The following GALNT12 variants were observed in gnomAD, a reference collection of about 807,000 sequenced individuals.
GALNT12 encodes UDP-GalNAc:polypeptide N-acetylgalactosaminyltransferase 12.
Under a neutral mutation model 55.5 loss-of-function variants are expected in GALNT12, and 45 were observed. The observed-to-expected ratio is 0.81, with a 90% CI of 0.64 to 1.04. The LOEUF (loss-of-function observed/expected upper bound fraction) is 1.04. GALNT12 is among the 50% of genes least tolerant of loss of function. The probability of loss-of-function intolerance (pLI) is 0.00; values close to 1 mark genes in which losing one functional copy is unlikely to be tolerated. For missense variants in GALNT12, 709 were observed against 754.8 expected (o/e 0.94, Z 0.71); for synonymous variants, 304 against 312.2 (o/e 0.97, Z 0.28).
Position 98,846,062 on chromosome 9 carries a change from C to T in GALNT12, c.1544C>T (p.Thr515Ile), listed in dbSNP as rs1836406734. 5 of 1,614,108 alleles carry T rather than the reference C, an allele frequency of 3.1e-6. No individual in the cohort carries two copies. The African/African-American group carries it at 5.3e-5, about 17-fold the overall frequency. ...ATTGCTGTGGAAGCAGGAATGGATA[C>T]CCTTATCATGCATCTCTGCGAAGAA... The part of the protein sequence containing the change: ...GCIAVEAGMD[T>I]LIMHLCEETA... Residue 515 changes from threonine to isoleucine, a missense_variant, in exon 9 of 10, where the codon ACC becomes ATC. Thr to Ile is a moderately conservative substitution (Grantham distance 89). Around this residue, in one of 5 missense-constraint regions of GALNT12, gnomAD observed 262 missense variants for 310.7 expected, o/e 0.84. Transcript: ENST00000375011.
In GALNT12 at chr9:98,848,795, C is replaced by T. The variant is rs537057388; in HGVS notation, c.1606-157C>T. On this transcript the variant is annotated intron_variant, in intron 9 of 9. Coordinates refer to ENST00000375011, the MANE Select transcript of GALNT12 (RefSeq NM_024642.5). The stretch of plus-strand genomic sequence containing the variant: ...CTGTACAAGCCTGGTGCTGTGTCCC[C>T]GGGACAGTCCTGAGTTGCTGCGTTA... 54 of 844,972 alleles carry T rather than the reference C, an allele frequency of 6.4e-5. 1 individual carries two copies. The highest frequency in any genetic ancestry group is 2.3e-4 in the South Asian group (15 of 64,816). 52.3% of individuals were successfully genotyped at this position (844,972 alleles called of 1,614,324 possible).
At chr9:98,844,379 A>G (rs1019577187) in intron 8 of GALNT12, 170 bp downstream of exon 8, 11 of 625,818 alleles carry the variant, frequency 1.8e-5, no homozygotes, top group Middle Eastern at 4.3e-4. Flanking sequence ...TCTTCCCATC[A>G]TTTTTTACAC....
chr9:98,848,816 C>G, intron 9 of GALNT12, 136 bp from the exon 10 acceptor site: 2 of 1,005,914 alleles, frequency 2.0e-6, no homozygotes, highest in Non-Finnish European at 3.0e-6. Flanking sequence ...TGAGTTGCTG[C>G]GTTACACGGA....
At chr9:98,810,002 A>G (rs1176139914) in intron 1 of GALNT12, among the ~76,000 whole-genome samples, 1 of 152,210 alleles carries the variant, frequency 6.6e-6, no homozygotes, top group African/African-American at 2.4e-5. Flanking sequence ...CTGTTGGGTT[A>G]TTCTTACCCA....
Position 98,817,408 on chromosome 9 carries a change from C to T in GALNT12, c.372-5848C>T, listed in dbSNP as rs560360868. Among the ~76,000 whole-genome samples, 29 of 152,152 alleles carry T rather than the reference C, an allele frequency of 1.9e-4. No individual in the cohort carries two copies. The South Asian group carries it at 6.0e-3, about 32-fold the overall frequency. On this transcript the variant is annotated intron_variant, in intron 1 of 9. Coordinates refer to ENST00000375011, the MANE Select transcript of GALNT12 (RefSeq NM_024642.5). ...TTATAATACACACACATATGTTTTC[C>T]ATTTGCTATAACATGTATTTGTTGG... is the stretch of plus-strand genomic sequence containing the variant.
chr9:98,822,608 G>C (rs1835770470), intron 1 of GALNT12, among the ~76,000 whole-genome samples: 1 of 152,108 alleles, frequency 6.6e-6, no homozygotes, highest in African/African-American at 2.4e-5. Flanking sequence ...AGTGTCTGTA[G>C]GTCCTAGCCA....
intron 4 of GALNT12, among the ~76,000 whole-genome samples, chr9:98,833,750 T>A (rs1198381636): frequency 2.0e-5 from 3 of 152,032 alleles, no homozygotes; most frequent in African/African-American, 7.2e-5. Context: ...CTGAATAGGT[T>A]TGGAAACTGA....
chr9:98,840,212 A>C, intron 7 of GALNT12, 79 bp downstream of exon 7: 1 of 1,580,792 alleles, frequency 6.3e-7, no homozygotes, highest in South Asian at 1.1e-5. Flanking sequence ...TGGGCAAGAA[A>C]GGCCACGTCA....
chr9:98,818,297 A>C (rs1262416960), intron 1 of GALNT12, among the ~76,000 whole-genome samples: 2 of 151,648 alleles, frequency 1.3e-5, no homozygotes, highest in Non-Finnish European at 2.9e-5. Context: ...ATCTTGGCTG[A>C]CTGCAACCTC....
chr9:98,808,217 A>C, intron 1 of GALNT12, 148 bp downstream of exon 1: 3 of 616,750 alleles, frequency 4.9e-6, no homozygotes, highest in Non-Finnish European at 8.2e-6. Context: ...GTAAGAGCTC[A>C]CATGGGGGCG....
At position 98,840,113 on chromosome 9, in the gene GALNT12, A is replaced by G. The variant is rs760068858; in HGVS notation, c.1324A>G (p.Arg442Gly). 1 of 1,613,802 alleles carries G rather than the reference A, an allele frequency of 6.2e-7. No homozygotes were observed. Among genetic ancestry groups the G allele is most frequent in the African/African-American group, 1.3e-5 (1 of 74,936 alleles). ...TCCAGAACTGCATGTGCCTGAGGACAGGCCTGGCTTCTTCGGGATGGTGAG... is the reference window on the plus strand; with the variant it reads ...TCCAGAACTGCATGTGCCTGAGGACGGGCCTGGCTTCTTCGGGATGGTGAG... ...VYPELHVPED[R>G]PGFFGMLQNK... Residue 442 changes from arginine to glycine, a missense_variant, in exon 7 of 10, where the codon AGG (arginine) becomes GGG (glycine). Around this residue, in one of 5 missense-constraint regions of GALNT12, gnomAD observed 262 missense variants for 310.7 expected, o/e 0.84. Transcript: ENST00000375011.
chr9:98,848,586 A>C (rs898854772), intron 9 of GALNT12, among the ~76,000 whole-genome samples: 2 of 152,226 alleles, frequency 1.3e-5, no homozygotes, highest in African/African-American at 4.8e-5. Context: ...AATACCTAAG[A>C]GAAAGAGATC....
At chr9:98,829,915 A>G (rs994925106) in intron 3 of GALNT12, among the ~76,000 whole-genome samples, 2 of 152,232 alleles carry the variant, frequency 1.3e-5, no homozygotes, top group Non-Finnish European at 2.9e-5. Flanking sequence ...GGTTATTGTG[A>G]ATAGTGCTGC....
chr9:98,837,181 G>T, intron 6 of GALNT12, 33 bp downstream of exon 6: 1 of 1,610,524 alleles, frequency 6.2e-7, no homozygotes, highest in African/African-American at 1.3e-5. Context: ...ACTCCATCTG[G>T]CTTCATCTGA....
chr9:98,836,408 C>A (rs1432159262), intron 5 of GALNT12, among the ~76,000 whole-genome samples: 1 of 152,280 alleles, frequency 6.6e-6, no homozygotes, highest in East Asian at 1.9e-4. Context: ...GTACCAGATG[C>A]TGTGCTTGGT....
At chr9:98,808,187 C>A in intron 1 of GALNT12, 118 bp downstream of exon 1, 1 of 755,876 alleles carries the variant, frequency 1.3e-6, no homozygotes, top group Non-Finnish European at 2.1e-6. Context: ...CTTATTGAGT[C>A]TTTCTCCGAA....
At chr9:98,828,365 G>GTGA (rs1835910402) in intron 3 of GALNT12, among the ~76,000 whole-genome samples, 1 of 152,192 alleles carries the variant, frequency 6.6e-6, no homozygotes, top group South Asian at 2.1e-4. Context: ...CCTCTGGCCT[G>GTGA]TGATGGAGCT....
chr9:98,825,765 G>A lies in GALNT12; in HGVS notation c.542-987G>A, dbSNP rs138802329. Among the ~76,000 whole-genome samples the A allele has an allele frequency of 8.6e-3, 1,300 of 151,964 alleles. 11 individuals carry two copies. Among genetic ancestry groups the A allele is most frequent in the South Asian group, 0.032 (153 of 4,802 alleles). ...CAAGGTGGGAGGATTGCTTGAGCCC[G>A]GGAATTTGAGACCAGCCTGGGAAGC... On this transcript the variant is annotated intron_variant, in intron 2 of 9. Transcript: ENST00000375011.
At chr9:98,827,353 A>G (rs1303010046) in intron 3 of GALNT12, among the ~76,000 whole-genome samples, 1 of 151,906 alleles carries the variant, frequency 6.6e-6, no homozygotes, top group African/African-American at 2.4e-5. Context: ...GGCATGCACC[A>G]CCACACCTGG....
Sources: allele counts gnomAD v4.1 joint callset (sites outside exome capture counted in the v4.1 genomes callset), GRCh38; gene constraint gnomAD v4.1.1; regional missense constraint gnomAD v4.1.1; transcripts MANE v1.5; gene names NCBI Gene and HGNC (gene_info 2026-07-23, HGNC 2026-07-21).